The following LPAR3 variants were observed in gnomAD, a reference collection of about 807,000 sequenced individuals.
LPAR3 encodes LPA receptor 3.
LPAR3 carries 7 observed loss-of-function variants against 17.8 expected under a neutral mutation model. The ratio of observed to expected loss-of-function variants is 0.39; its 90% confidence interval spans 0.22 to 0.74. The LOEUF (loss-of-function observed/expected upper bound fraction) is 0.74. LPAR3 is among the 30% of genes least tolerant of loss of function. LPAR3 has a pLI of 0.40. For missense variants in LPAR3, 391 were observed against 453.4 expected, an observed-to-expected ratio of 0.86 and a Z score of 1.25; for synonymous variants, 179 against 179.9, an observed-to-expected ratio of 0.99 and a Z score of 0.04.
At chr1:84,849,954 C>T (rs1244565878) in intron 2 of LPAR3, among the ~76,000 whole-genome samples, 3 of 152,080 alleles carry the variant, frequency 2.0e-5, no homozygotes, top group Non-Finnish European at 4.4e-5. Flanking sequence ...CTCGGATGGG[C>T]GGCCCTGTGT....
chr1:84,866,073 C>A lies in LPAR3; in HGVS notation c.48G>T (p.Arg16Ser), dbSNP rs746869429. The A allele has an allele frequency of 6.2e-7, 1 of 1,604,056 alleles. No homozygotes were observed. Among genetic ancestry groups the A allele is most frequent in the East Asian group, 2.2e-5 (1 of 44,818 alleles). ...AGTCATCGACAGTATCAGTGTTGCT[C>A]CTATTATAAAAAAAGTCCATGTGCT... ...YDKHMDFFYN[R>S]SNTDTVDDWT... Residue 16 changes from arginine (R) to serine (S), a missense_variant, in exon 2 of 3, where the codon AGG becomes AGT. Transcript: ENST00000370611.
chr1:84,878,592 C>T (rs143873895), intron 1 of LPAR3, among the ~76,000 whole-genome samples: 1 of 152,250 alleles, frequency 6.6e-6, no homozygotes, highest in East Asian at 1.9e-4. Flanking sequence ...AGAAGAAAGG[C>T]ACCATGAGGG....
intron 2 of LPAR3, among the ~76,000 whole-genome samples, chr1:84,861,767 A>G (rs927339226): frequency 2.6e-5 from 4 of 152,188 alleles, no homozygotes; most frequent in Non-Finnish European, 5.9e-5. Flanking sequence ...GAGGTCCTTG[A>G]CACCAAACTG....
At chr1:84,852,474 T>C (rs1283626629) in intron 2 of LPAR3, among the ~76,000 whole-genome samples, 3 of 152,150 alleles carry the variant, frequency 2.0e-5, no homozygotes, top group Non-Finnish European at 4.4e-5. Context: ...GCAAGGCAGA[T>C]GAAACCCATT....
chr1:84,823,604 G>A (rs770232683), intron 2 of LPAR3, among the ~76,000 whole-genome samples: 13 of 152,216 alleles, frequency 8.5e-5, no homozygotes, highest in Non-Finnish European at 1.8e-4. Context: ...TTGATACCAA[G>A]GGCAATAAAA....
chr1:84,863,186 C>A (rs1659973755), intron 2 of LPAR3, among the ~76,000 whole-genome samples: 1 of 152,068 alleles, frequency 6.6e-6, no homozygotes, highest in African/African-American at 2.4e-5. Context: ...GCGGTTCTCC[C>A]ACCTCAGCCA....
chr1:84,813,716 T>A lies in LPAR3; in HGVS notation c.*130A>T, dbSNP rs1427480892. ...TTTTAAACTATGAAAAAAAATTTTT[T>A]AAAGAAATCTAGCAGTGATTAATGG... On this transcript the variant is annotated 3_prime_UTR_variant, in exon 3 of 3. Transcript: ENST00000370611. 17 of 767,618 alleles carry A rather than the reference T, an allele frequency of 2.2e-5. No individual in the cohort carries two copies. In the African/African-American group the frequency reaches 2.3e-4, roughly 10 times the overall value. The allele number at this position is 767,618 out of a possible 1,614,324, so 47.6% of individuals were successfully genotyped here. A position where few individuals can be genotyped will look rare whatever the true frequency, so the allele number is the denominator to read the frequency against.
At chr1:84,832,266 T>C (rs72942437) in intron 2 of LPAR3, among the ~76,000 whole-genome samples, 31,450 of 152,168 alleles carry the variant, frequency 0.21, 3,834 homozygotes, top group African/African-American at 0.34. Flanking sequence ...AAAATTCTAA[T>C]GTGCATTTTC....
intron 2 of LPAR3, among the ~76,000 whole-genome samples, chr1:84,840,250 G>A (rs1303848612): frequency 6.6e-6 from 1 of 152,170 alleles, no homozygotes; most frequent in East Asian, 1.9e-4. Flanking sequence ...TAGCATTAGT[G>A]TTAATGAAGA....
In LPAR3 at chr1:84,846,390, G is replaced by C. The variant is rs1341280031; in HGVS notation, c.736+18995C>G. ...TATTTTCGTAATGCTATAGTGATAG[G>C]CTCCTGTGTCCAATTCAGATTGGTG... is the stretch of plus-strand genomic sequence containing the variant. On this transcript the variant is annotated intron_variant, in intron 2 of 2. Coordinates refer to ENST00000370611, the MANE Select transcript of LPAR3 (RefSeq NM_012152.3). 5.3e-5 allele frequency among the ~76,000 whole-genome samples: 8 copies of C among 152,246 alleles called. No individual in the cohort carries two copies. In the East Asian group the frequency reaches 1.4e-3, roughly 26 times the overall value.
intron 2 of LPAR3, among the ~76,000 whole-genome samples, chr1:84,820,949 A>G (rs1379369206): frequency 6.6e-6 from 1 of 152,218 alleles, no homozygotes; most frequent in Non-Finnish European, 1.5e-5. Flanking sequence ...AAAATGAAAT[A>G]GAAACAGAAA....
intron 2 of LPAR3, among the ~76,000 whole-genome samples, chr1:84,834,450 TACTATACCTGGAAAATCA>T (rs1205645290): frequency 6.6e-6 from 1 of 152,204 alleles, no homozygotes; most frequent in Non-Finnish European, 1.5e-5. Flanking sequence ...GAAGTGATGT[TACTATACCTGGAAAATCA>T]ACTTTACTGT....
At chr1:84,871,347 A>C (rs1301232559) in intron 1 of LPAR3, among the ~76,000 whole-genome samples, 3 of 152,238 alleles carry the variant, frequency 2.0e-5, no homozygotes, top group Admixed American at 2.0e-4. Flanking sequence ...AAAAATGTCC[A>C]GCCAGCCCAG....
In LPAR3 at chr1:84,813,938, G is replaced by C. The variant is rs369051960; in HGVS notation, c.970C>G (p.Pro324Ala). The change falls in exon 3 of 3, where the codon CCC becomes GCC. Residue 324 changes from proline to alanine, a missense_variant. By Grantham distance (27) the Pro-to-Ala change is conservative. Coordinates refer to ENST00000370611, the MANE Select transcript of LPAR3 (RefSeq NM_012152.3). ...TCACTCCTGCTGAGGACTGTGGAGG[G>C]GATGCGAGAGGGACGCCTCTCTGGG... ...ENPERRPSRI[P>A]STVLSRSDTG... 6.2e-7 allele frequency: 1 copy of C among 1,614,032 alleles called. No homozygotes were observed.
intron 1 of LPAR3, among the ~76,000 whole-genome samples, chr1:84,880,611 G>A (rs1660346355): frequency 6.6e-6 from 1 of 152,204 alleles, no homozygotes; most frequent in Non-Finnish European, 1.5e-5. Flanking sequence ...GCAGAGAGAT[G>A]AGCCAAGCAT....
At chr1:84,876,856 T>C (rs1311790419) in intron 1 of LPAR3, among the ~76,000 whole-genome samples, 2 of 152,232 alleles carry the variant, frequency 1.3e-5, no homozygotes, top group Non-Finnish European at 2.9e-5. Flanking sequence ...ATATATCACA[T>C]TCCCAAGGGC....
chr1:84,859,027 G>A (rs574898920), intron 2 of LPAR3, among the ~76,000 whole-genome samples: 2 of 152,328 alleles, frequency 1.3e-5, no homozygotes, highest in South Asian at 4.1e-4. Context: ...AATGGGGGAA[G>A]CGCAAATAAT....
intron 1 of LPAR3, among the ~76,000 whole-genome samples, chr1:84,882,102 C>T (rs1227772214): frequency 6.6e-6 from 1 of 152,168 alleles, no homozygotes; most frequent in Non-Finnish European, 1.5e-5. Context: ...GCCACCAAAA[C>T]ACCCATTAGA....
chr1:84,858,987 C>T (rs1659883271), intron 2 of LPAR3, among the ~76,000 whole-genome samples: 1 of 152,120 alleles, frequency 6.6e-6, no homozygotes, highest in Non-Finnish European at 1.5e-5. Flanking sequence ...GGAAAGGTAT[C>T]CCAACATCTG....
Sources: allele counts gnomAD v4.1 joint callset (sites outside exome capture counted in the v4.1 genomes callset), GRCh38; gene constraint gnomAD v4.1.1; transcripts MANE v1.5; gene names NCBI Gene and HGNC (gene_info 2026-07-23, HGNC 2026-07-21).